Variants in SFSWAP observed in about 807,000 individuals in gnomAD.
SFSWAP encodes splicing factor, suppressor of white-apricot homolog.
Under a neutral mutation model 100.7 loss-of-function variants are expected in SFSWAP, and 17 were observed. The observed-to-expected ratio is 0.17, with a 90% CI of 0.12 to 0.25. The LOEUF is 0.25. SFSWAP is among the 10% of genes least tolerant of loss of function. The probability of loss-of-function intolerance (pLI) is 1.00; values close to 1 mark genes in which losing one functional copy is unlikely to be tolerated. For synonymous variants in SFSWAP, 504 were observed against 510.1 expected (o/e 0.99, Z 0.16); for missense variants, 1,005 against 1,262.6 (o/e 0.80, Z 3.09).
rs778890329 is a variant in SFSWAP at position 131,734,639 on chromosome 12, C to T, written c.1081+6211C>T. Reference sequence around the variant, plus strand: ...ACTAGCCAGCGTGCTCCTTGCACCTCGATCCAAGGGGCCACGGGGCTCCCA... The same window carrying T: ...ACTAGCCAGCGTGCTCCTTGCACCTTGATCCAAGGGGCCACGGGGCTCCCA... On this transcript the variant is annotated intron_variant, in intron 7 of 17. Transcript: ENST00000261674. This position sits in a 1 kb window ranked among gnomAD's most constrained non-coding sequence, Gnocchi z 4.9. Among the ~76,000 whole-genome samples, 9 of 152,174 alleles carry T rather than the reference C, an allele frequency of 5.9e-5. No individual in the cohort carries two copies. Among genetic ancestry groups the T allele is most frequent in the Admixed American group, 2.0e-4 (3 of 15,274 alleles).
At chr12:131,736,648 T>C (rs1262602248) in intron 7 of SFSWAP, among the ~76,000 whole-genome samples, 8 of 152,012 alleles carry the variant, frequency 5.3e-5, no homozygotes, top group Admixed American at 5.2e-4. Flanking sequence ...CCAGCGAATG[T>C]TAGGATGTGA....
At chr12:131,795,089 CTCTT>C (rs1394693787) in intron 15 of SFSWAP, among the ~76,000 whole-genome samples, 1 of 152,240 alleles carries the variant, frequency 6.6e-6, no homozygotes, top group Non-Finnish European at 1.5e-5. Flanking sequence ...AGAAAAATGA[CTCTT>C]TCGTGCAGGT....
intron 10 of SFSWAP, among the ~76,000 whole-genome samples, chr12:131,755,949 G>A (rs1882117257): frequency 6.6e-6 from 1 of 152,258 alleles, no homozygotes; most frequent in African/African-American, 2.4e-5. Flanking sequence ...CCAGCGTGGT[G>A]CTGGCGCACT....
chr12:131,787,387 G>A (rs1044314615), intron 15 of SFSWAP, among the ~76,000 whole-genome samples: 4 of 152,182 alleles, frequency 2.6e-5, no homozygotes, highest in South Asian at 2.1e-4. Context: ...GCCATCTCAC[G>A]AGCGCCTCCT....
chr12:131,791,480 C>G (rs554648479), intron 15 of SFSWAP, among the ~76,000 whole-genome samples: 1 of 151,830 alleles, frequency 6.6e-6, no homozygotes, highest in South Asian at 2.1e-4. Context: ...GGGCCAGGCA[C>G]GATGGTTCAC....
intron 11 of SFSWAP, among the ~76,000 whole-genome samples, chr12:131,760,781 G>GC (rs1238666734): frequency 6.6e-6 from 1 of 152,140 alleles, no homozygotes; most frequent in African/African-American, 2.4e-5. Flanking sequence ...AGTAAAGAAA[G>GC]GAGTTGCTGG....
intron 8 of SFSWAP, among the ~76,000 whole-genome samples, chr12:131,754,077 T>A (rs1193409795): frequency 2.0e-5 from 3 of 152,250 alleles, no homozygotes; most frequent in African/African-American, 7.2e-5. Flanking sequence ...ACAAACTGCT[T>A]ATTCTTTGTT....
At position 131,778,168 on chromosome 12, in the gene SFSWAP, C is replaced by T. The variant is rs79031981; in HGVS notation, c.2246C>T (p.Pro749Leu). The change falls in exon 14 of 18, where the codon CCG (proline) becomes CTG (leucine). Residue 749 changes from proline to leucine, a missense_variant. By Grantham distance (98) the Pro-to-Leu change is moderately conservative. Transcript: ENST00000261674. The surrounding 1 kb of genome is among the most constrained non-coding windows in gnomAD (Gnocchi z 4.2). ...CCTTCGAGCAAAAGCAAAGATCCACCGAGAGAAGAAGAGAAAGAAAAGAAA... is the reference window on the plus strand; with the variant it reads ...CCTTCGAGCAAAAGCAAAGATCCACTGAGAGAAGAAGAGAAAGAAAAGAAA... ...DRPSSKSKDPPREEEKEKKKK... is the reference protein window; with the variant it reads ...DRPSSKSKDPLREEEKEKKKK... 0.013 allele frequency: 21,081 copies of T among 1,613,768 alleles called. 167 individuals carry two copies. The highest frequency in any genetic ancestry group is 0.021 in the Middle Eastern group (128 of 6,062).
At chr12:131,751,975 G>A (rs1187839355) in intron 7 of SFSWAP, among the ~76,000 whole-genome samples, 1 of 152,224 alleles carries the variant, frequency 6.6e-6, no homozygotes, top group Non-Finnish European at 1.5e-5. Context: ...GTAACATGGA[G>A]CTAGAGAACA....
At chr12:131,787,136 A>G (rs1884951686) in intron 15 of SFSWAP, among the ~76,000 whole-genome samples, 1 of 152,066 alleles carries the variant, frequency 6.6e-6, no homozygotes, top group Non-Finnish European at 1.5e-5. Flanking sequence ...CAGGAGATGG[A>G]GGGAGGTTAG....
At chr12:131,736,636 C>G (rs1593128722) in intron 7 of SFSWAP, among the ~76,000 whole-genome samples, 1 of 152,120 alleles carries the variant, frequency 6.6e-6, no homozygotes, top group East Asian at 1.9e-4. Flanking sequence ...TTCAGCTCAG[C>G]TCCAGCGAAT....
rs376621789 is a variant in SFSWAP, at chr12:131,711,253, C to A, written c.24C>A (p.Arg8=). Residue 8 remains arginine (R), a synonymous_variant, in exon 1 of 18, where the codon CGC becomes CGA. Coordinates refer to ENST00000261674, the MANE Select transcript of SFSWAP (RefSeq NM_004592.4). The surrounding 1 kb of genome is among the most constrained non-coding windows in gnomAD (Gnocchi z 4.9). The stretch of plus-strand genomic sequence containing the variant: ...TCATGTACGGCGCGAGCGGGGGCCG[C>A]GCCAAACCCGAGAGGAAAAGCGGCG... MYGASGG[R]AKPERKSGAK... The A allele has an allele frequency of 1.9e-6, 3 of 1,607,940 alleles. No homozygotes were observed. In the Admixed American group the frequency reaches 5.0e-5, roughly 27 times the overall value.
intron 7 of SFSWAP, among the ~76,000 whole-genome samples, chr12:131,747,867 G>T (rs1881283144): frequency 6.6e-6 from 1 of 152,236 alleles, no homozygotes; most frequent in South Asian, 2.1e-4. Flanking sequence ...TCAGCTCAGG[G>T]CTGGAGAAGT....
At chr12:131,751,428 C>G (rs1159857172) in intron 7 of SFSWAP, among the ~76,000 whole-genome samples, 2 of 152,212 alleles carry the variant, frequency 1.3e-5, no homozygotes, top group African/African-American at 4.8e-5. Flanking sequence ...AGGCTGGAGA[C>G]CTGACAGTAG....
At chr12:131,795,255 T>C (rs1010420898) in intron 15 of SFSWAP, among the ~76,000 whole-genome samples, 1 of 152,154 alleles carries the variant, frequency 6.6e-6, no homozygotes, top group Non-Finnish European at 1.5e-5. Flanking sequence ...GAGCACCGTC[T>C]CTGGCAGGTC....
chr12:131,725,292 G>A lies in SFSWAP; in HGVS notation c.607-113G>A, dbSNP rs981831508. The A allele has an allele frequency of 2.5e-5, 22 of 874,260 alleles. No homozygotes were observed. The highest frequency in any genetic ancestry group is 1.2e-4 in the African/African-American group (7 of 60,174). 54.2% of individuals were successfully genotyped at this position (874,260 alleles called of 1,614,324 possible). A position where few individuals can be genotyped will look rare whatever the true frequency, so the allele number is the denominator to read the frequency against. On this transcript the variant is annotated intron_variant, in intron 4 of 17. Transcript: ENST00000261674. The surrounding 1 kb of genome is among the most constrained non-coding windows in gnomAD (Gnocchi z 4.3). ...CTGGGCTCTTCCAGCTTAAAGTCTCGTATCTCTTAAAATTGACAGTAAAAC... is the reference window on the plus strand; with the variant it reads ...CTGGGCTCTTCCAGCTTAAAGTCTCATATCTCTTAAAATTGACAGTAAAAC...
At chr12:131,731,334 T>TTCCTCTGCTACCCTTTGAGTA (rs2136194404) in intron 7 of SFSWAP, among the ~76,000 whole-genome samples, 1 of 152,340 alleles carries the variant, frequency 6.6e-6, no homozygotes, top group Admixed American at 6.5e-5. Flanking sequence ...GCCTGCCGTC[T>TTCCTCTGCTACCCTTTGAGTA]TCCTCTGCTA....
At chr12:131,759,885 G>A (rs529166097) in intron 11 of SFSWAP, among the ~76,000 whole-genome samples, 2 of 152,110 alleles carry the variant, frequency 1.3e-5, no homozygotes, top group African/African-American at 2.4e-5. Context: ...GTCACAAAAT[G>A]AGAAGACCTT....
chr12:131,789,747 G>A (rs1447207338), intron 15 of SFSWAP, among the ~76,000 whole-genome samples: 3 of 151,648 alleles, frequency 2.0e-5, no homozygotes, highest in African/African-American at 7.3e-5. Context: ...TGGTCCCACA[G>A]TTGGGCTTCG....
Sources: gnomAD v4.1 joint callset for allele counts (sites outside exome capture counted in the v4.1 genomes callset) on GRCh38, gnomAD v4.1.1 for gene constraint, Gnocchi (gnomAD v3.1) non-coding constraint, MANE v1.5 for transcripts, NCBI Gene and HGNC (gene_info 2026-07-23, HGNC 2026-07-21) for gene names.